The following XRRA1 variants were observed in gnomAD, a reference collection of about 807,000 sequenced individuals.
The protein encoded by XRRA1 is X-ray radiation resistance-associated protein 1.
In XRRA1, 69 loss-of-function variants were observed where a neutral mutation model predicts 80.2. The observed-to-expected ratio is 0.86, with a 90% confidence interval of 0.71 to 1.05. XRRA1 has a LOEUF of 1.05. Among genes scored for constraint, XRRA1 ranks in the 50% least tolerant of loss-of-function variants. The pLI, the probability that XRRA1 is intolerant of heterozygous loss-of-function variation, is 0.00. For missense variants in XRRA1, 967 were observed against 976.4 expected (o/e 0.99, Z 0.13); for synonymous variants, 348 against 389.9 (o/e 0.89, Z 1.27).
intron 10 of XRRA1, among the ~76,000 whole-genome samples, chr11:74,883,679 G>T (rs1445559076): frequency 6.6e-6 from 1 of 152,170 alleles, no homozygotes; most frequent in African/African-American, 2.4e-5. Context: ...AGAACCTTTA[G>T]ATCAACTCCA....
chr11:74,940,778 ACCTGACCTT>A lies in XRRA1; in HGVS notation c.92_94+6del. On this transcript the variant is annotated splice_donor_variant and splice_donor_5th_base_variant and coding_sequence_variant and intron_variant, in exon 3 of 19. Coordinates refer to ENST00000684022, the MANE Select transcript of XRRA1 (RefSeq NM_001378157.1). LOFTEE classifies it high-confidence loss of function. The stretch of plus-strand genomic sequence containing the variant: ...GGAAAAGGTAGCTATTTGAGAAGTC[ACCTGACCTT>A]CCTCCGGCACGCGAAGCAGATTTCT... 1 of 1,597,840 alleles carries A rather than the reference ACCTGACCTT, an allele frequency of 6.3e-7. No homozygotes were observed.
intron 15 of XRRA1, among the ~76,000 whole-genome samples, 171 bp downstream of exon 15, chr11:74,847,944 C>T (rs1159432752): frequency 7.9e-5 from 12 of 152,180 alleles, no homozygotes; most frequent in Non-Finnish European, 1.5e-4. Flanking sequence ...GTCCTCAGAC[C>T]AGAGATCTCC....
At chr11:74,887,215 C>G (rs2137049378) in intron 10 of XRRA1, among the ~76,000 whole-genome samples, 1 of 152,252 alleles carries the variant, frequency 6.6e-6, no homozygotes, top group South Asian at 2.1e-4. Flanking sequence ...CAGTAATTGA[C>G]AAATGAGACC....
chr11:74,862,720 T>G (rs1393977541), intron 11 of XRRA1, among the ~76,000 whole-genome samples: 2 of 152,188 alleles, frequency 1.3e-5, no homozygotes, highest in Non-Finnish European at 2.9e-5. Flanking sequence ...ACAATGAAAG[T>G]TAGACTAGGC....
intron 7 of XRRA1, among the ~76,000 whole-genome samples, chr11:74,922,006 C>T (rs560169386): frequency 5.1e-4 from 77 of 152,138 alleles, no homozygotes; most frequent in Non-Finnish European, 9.0e-4. Context: ...GCCTGTAATC[C>T]CAGCACTTTG....
At chr11:74,889,752 T>C (rs1032602712) in intron 10 of XRRA1, among the ~76,000 whole-genome samples, 1 of 152,192 alleles carries the variant, frequency 6.6e-6, no homozygotes, top group African/African-American at 2.4e-5. Context: ...GGGGTTGCAA[T>C]TCTAGTCTCT....
intron 10 of XRRA1, among the ~76,000 whole-genome samples, chr11:74,869,175 T>C (rs1045057768): frequency 2.1e-4 from 32 of 152,126 alleles, no homozygotes; most frequent in African/African-American, 7.7e-4. Flanking sequence ...CACCATAAAA[T>C]AGAAATACTA....
intron 12 of XRRA1, among the ~76,000 whole-genome samples, chr11:74,854,434 C>T (rs550447497): frequency 7.2e-5 from 11 of 152,314 alleles, no homozygotes; most frequent in Admixed American, 2.0e-4. Flanking sequence ...GCTTTGCAGA[C>T]CATATGGTTT....
At chr11:74,852,774 TG>T (rs1387534591) in intron 12 of XRRA1, among the ~76,000 whole-genome samples, 1 of 152,220 alleles carries the variant, frequency 6.6e-6, no homozygotes, top group Non-Finnish European at 1.5e-5. Context: ...CTGGAAAAGC[TG>T]GACCATCTTG....
chr11:74,937,125 A>C (rs1047743090), intron 3 of XRRA1, 57 bp from the exon 4 acceptor site: 69 of 1,535,544 alleles, frequency 4.5e-5, no homozygotes, highest in Middle Eastern at 1.7e-4. Flanking sequence ...CAACGAGTGC[A>C]GTTATAGACT....
rs1379152512 is a variant in XRRA1 at position 74,845,131 on chromosome 11, G to A, written c.1869C>T (p.Tyr623=). 3 of 1,614,048 alleles carry A rather than the reference G, an allele frequency of 1.9e-6. No individual in the cohort carries two copies. The highest frequency in any genetic ancestry group is 2.2e-5 in the East Asian group (1 of 44,876). Reference sequence around the variant, plus strand: ...CTGTCAGCAGTTCTTCATAGCCGTGGTACTTGCTGGGAAGGAAGGCAGTTG... The same window carrying A: ...CTGTCAGCAGTTCTTCATAGCCGTGATACTTGCTGGGAAGGAAGGCAGTTG... ...KLPTAFLPSK[Y]HGYEELLTAK... The change falls in exon 16 of 19, where the codon TAC becomes TAT. Residue 623 remains tyrosine (Y), a synonymous_variant. Coordinates refer to ENST00000684022, the MANE Select transcript of XRRA1 (RefSeq NM_001378157.1).
At chr11:74,888,312 G>A (rs1216942622) in intron 10 of XRRA1, among the ~76,000 whole-genome samples, 3 of 152,106 alleles carry the variant, frequency 2.0e-5, no homozygotes, top group African/African-American at 7.2e-5. Flanking sequence ...AGGCAAACAG[G>A]GTCTAGAGTG....
At chr11:74,868,182 G>A (rs572593775) in intron 10 of XRRA1, among the ~76,000 whole-genome samples, 3 of 152,244 alleles carry the variant, frequency 2.0e-5, no homozygotes, top group Admixed American at 6.5e-5. Flanking sequence ...GCTTCCCAAA[G>A]TGCTAGGATT....
chr11:74,890,469 C>A (rs2050346861), intron 10 of XRRA1, among the ~76,000 whole-genome samples: 1 of 152,196 alleles, frequency 6.6e-6, no homozygotes, highest in East Asian at 1.9e-4. Context: ...AAAATTGACA[C>A]CCTAACATCA....
At chr11:74,936,747 T>C in intron 4 of XRRA1, 137 bp downstream of exon 4, 1 of 1,123,230 alleles carries the variant, frequency 8.9e-7, no homozygotes, top group Non-Finnish European at 1.2e-6. Context: ...TTATCCTGGC[T>C]GTACTCAATT....
At chr11:74,868,386 C>T (rs527484601) in intron 10 of XRRA1, among the ~76,000 whole-genome samples, 1 of 152,258 alleles carries the variant, frequency 6.6e-6, no homozygotes, top group South Asian at 2.1e-4. Context: ...GAGTGCTAAA[C>T]TTGGAAAGAA....
At chr11:74,863,449 T>C (rs2042744522) in intron 10 of XRRA1, 1 of 165,626 alleles carries the variant, frequency 6.0e-6, no homozygotes, top group Non-Finnish European at 1.3e-5. Flanking sequence ...GAAAAATGTA[T>C]ATAGAAGACA....
intron 10 of XRRA1, among the ~76,000 whole-genome samples, chr11:74,878,022 C>A (rs1237765040): frequency 6.6e-6 from 1 of 151,650 alleles, no homozygotes. Flanking sequence ...GTTCTAGATC[C>A]CTGAGGAATC....
intron 10 of XRRA1, among the ~76,000 whole-genome samples, chr11:74,868,898 T>C (rs1253342268): frequency 6.6e-6 from 1 of 152,122 alleles, no homozygotes; most frequent in African/African-American, 2.4e-5. Flanking sequence ...CATACGATAA[T>C]TGTGCAGGAC....
Sources: allele counts gnomAD v4.1 joint callset (sites outside exome capture counted in the v4.1 genomes callset), GRCh38; gene constraint gnomAD v4.1.1; transcripts MANE v1.5; gene names NCBI Gene and HGNC (gene_info 2026-07-23, HGNC 2026-07-21).